SLC14A2: variants seen among roughly 807,000 people sequenced by gnomAD.
The protein encoded by SLC14A2 is urea transporter 2.
Under a neutral mutation model 104.6 loss-of-function variants are expected in SLC14A2, and 91 were observed. That is an observed-to-expected ratio of 0.87 (90% confidence interval 0.73 to 1.04). The LOEUF is 1.04. Ranked by LOEUF, SLC14A2 falls within the 50% of genes least tolerant of loss-of-function variation. SLC14A2 has a pLI of 0.00. For missense variants in SLC14A2, 1,189 were observed against 1,156.0 expected (o/e 1.03, Z -0.41); for synonymous variants, 476 against 466.4 (o/e 1.02, Z -0.27).
chr18:45,649,620 T>C (rs1176006778), intron 10 of SLC14A2, among the ~76,000 whole-genome samples: 1 of 152,270 alleles, frequency 6.6e-6, no homozygotes, highest in East Asian at 1.9e-4. Flanking sequence ...ACTCTTTGTA[T>C]TTTCTTCAAG....
intron 10 of SLC14A2, among the ~76,000 whole-genome samples, chr18:45,661,515 C>G (rs2045936922): frequency 6.6e-6 from 1 of 152,178 alleles, no homozygotes; most frequent in South Asian, 2.1e-4. Context: ...GACCCAAATG[C>G]AATTCCTAGC....
chr18:45,240,349 C>T (rs1269177295), intron 1 of SLC14A2, among the ~76,000 whole-genome samples: 1 of 151,970 alleles, frequency 6.6e-6, no homozygotes, highest in East Asian at 1.9e-4. Context: ...CCCACCTCGG[C>T]CCCCCAAAGC....
chr18:45,223,242 G>T (rs192282846), intron 1 of SLC14A2, among the ~76,000 whole-genome samples: 1 of 152,090 alleles, frequency 6.6e-6, no homozygotes, highest in African/African-American at 2.4e-5. Flanking sequence ...GTCTCTGGTC[G>T]CTGGGAGCTC....
intron 1 of SLC14A2, among the ~76,000 whole-genome samples, chr18:45,338,270 GGCTCACT>G (rs2085356025): frequency 1.3e-5 from 2 of 151,744 alleles, no homozygotes; most frequent in African/African-American, 4.8e-5. Context: ...TCGTGATCTT[GGCTCACT>G]GCAAGCTCCG....
chr18:45,636,261 T>A (rs995636520), intron 5 of SLC14A2, among the ~76,000 whole-genome samples: 45 of 152,200 alleles, frequency 3.0e-4, no homozygotes, highest in African/African-American at 1.0e-3. Flanking sequence ...TCACTGAGTG[T>A]GGATGATGTG....
intron 1 of SLC14A2, among the ~76,000 whole-genome samples, chr18:45,359,005 T>G (rs918490541): frequency 3.3e-5 from 5 of 152,210 alleles, no homozygotes; most frequent in African/African-American, 9.7e-5. Flanking sequence ...TTGGGCAAGT[T>G]AATAAACATC....
At chr18:45,220,342 T>G (rs1286704798) in intron 1 of SLC14A2, among the ~76,000 whole-genome samples, 1 of 152,180 alleles carries the variant, frequency 6.6e-6, no homozygotes, top group Non-Finnish European at 1.5e-5. Context: ...CCAAGTGGTT[T>G]TTGCAATCAG....
intron 1 of SLC14A2, among the ~76,000 whole-genome samples, chr18:45,446,094 A>G (rs557178153): frequency 6.6e-6 from 1 of 152,318 alleles, no homozygotes; most frequent in African/African-American, 2.4e-5. Context: ...TCTTGCTGTC[A>G]CCATGGGGAT....
chr18:45,274,459 A>G (rs1202338020), intron 1 of SLC14A2, among the ~76,000 whole-genome samples: 1 of 152,080 alleles, frequency 6.6e-6, no homozygotes, highest in Non-Finnish European at 1.5e-5. Flanking sequence ...TCTTTTTTTA[A>G]TCTTTCCTTA....
At chr18:45,357,354 G>A (rs1443203374) in intron 1 of SLC14A2, among the ~76,000 whole-genome samples, 18 of 151,320 alleles carry the variant, frequency 1.2e-4, no homozygotes. Flanking sequence ...GCTCACGCCT[G>A]TAATCCTAGC....
chr18:45,299,478 TC>T (rs1202161495), intron 1 of SLC14A2, among the ~76,000 whole-genome samples: 4 of 152,224 alleles, frequency 2.6e-5, no homozygotes, highest in African/African-American at 9.6e-5. Context: ...TTTTATTTTT[TC>T]GAGATGGAGT....
chr18:45,554,663 G>T (rs138949566), intron 2 of SLC14A2, among the ~76,000 whole-genome samples: 1 of 152,056 alleles, frequency 6.6e-6, no homozygotes, highest in African/African-American at 2.4e-5. Context: ...ATGGGGGTGT[G>T]GGGGGGAATA....
At chr18:45,662,458 C>T (rs755170012) in intron 10 of SLC14A2, among the ~76,000 whole-genome samples, 8 of 152,266 alleles carry the variant, frequency 5.3e-5, no homozygotes, top group Non-Finnish European at 8.8e-5. Flanking sequence ...CGTATGCACA[C>T]GAATCAGCTG....
intron 1 of SLC14A2, among the ~76,000 whole-genome samples, chr18:45,393,362 A>C (rs1404683205): frequency 2.6e-5 from 4 of 152,184 alleles, no homozygotes; most frequent in Non-Finnish European, 5.9e-5. Flanking sequence ...AATTTTTGCC[A>C]GTGGTTGATT....
chr18:45,284,906 C>T (rs1026959057), intron 1 of SLC14A2, among the ~76,000 whole-genome samples: 2 of 152,084 alleles, frequency 1.3e-5, no homozygotes, highest in Non-Finnish European at 2.9e-5. Context: ...CCAGGAAAGA[C>T]TCAAATATGG....
At chr18:45,673,875 G>GT (rs34433734) in intron 18 of SLC14A2, 58 bp downstream of exon 18, 15 of 1,520,622 alleles carry the variant, frequency 9.9e-6, no homozygotes, top group Admixed American at 8.9e-5. Context: ...ACATAAAACT[G>GT]TTTTTTTATG....
intron 2 of SLC14A2, chr18:45,515,317 G>C (rs565725595): frequency 4.7e-4 from 71 of 152,348 alleles, no homozygotes; most frequent in African/African-American, 1.6e-3. Context: ...AATGATTATA[G>C]AGAGTGTAGA....
chr18:45,447,545 C>A (rs1321403177), intron 1 of SLC14A2: 1 of 152,210 alleles, frequency 6.6e-6, no homozygotes, highest in Non-Finnish European at 1.5e-5. Context: ...ATCAGTCGAC[C>A]ATCTGTAGGC....
intron 1 of SLC14A2, among the ~76,000 whole-genome samples, chr18:45,439,155 T>C (rs1371022611): frequency 2.0e-5 from 3 of 152,172 alleles, no homozygotes; most frequent in African/African-American, 7.2e-5. Flanking sequence ...CTGGGCATGG[T>C]GCACACCTAG....
Sources: gnomAD v4.1 joint callset for allele counts (sites outside exome capture counted in the v4.1 genomes callset) on GRCh38, gnomAD v4.1.1 for gene constraint, MANE v1.5 for transcripts, NCBI Gene and HGNC (gene_info 2026-07-23, HGNC 2026-07-21) for gene names.